XXYLT1: variants seen among roughly 807,000 people sequenced by gnomAD.
The protein encoded by XXYLT1 is UDP-xylose:alpha-xyloside alpha-1,3-xylosyltransferase.
In XXYLT1, 20 loss-of-function variants were observed where a neutral mutation model predicts 28.9. The ratio of observed to expected loss-of-function variants is 0.69; its 90% CI spans 0.49 to 1.00. The LOEUF (loss-of-function observed/expected upper bound fraction) is 1.00, where lower values mean the gene tolerates loss of function less well. Ranked by LOEUF, XXYLT1 falls within the 50% of genes least tolerant of loss-of-function variation. The pLI is 0.00. For synonymous variants in XXYLT1, 257 were observed against 253.8 expected, an observed-to-expected ratio of 1.01 and a Z score of -0.12; for missense variants, 542 against 560.1, an observed-to-expected ratio of 0.97 and a Z score of 0.33.
In XXYLT1 at chr3:195,153,081, C is replaced by T. The variant is rs1178025141; in HGVS notation, c.785+3368G>A. ...CAATGGCCAAGCCCAAGGGCCGAGACCGCCTGCTCAAGAGAAAGGCGGGCT... is the reference window on the plus strand; with the variant it reads ...CAATGGCCAAGCCCAAGGGCCGAGATCGCCTGCTCAAGAGAAAGGCGGGCT... On this transcript the variant is annotated intron_variant, in intron 3 of 3. Transcript: ENST00000310380. 7.9e-5 allele frequency among the ~76,000 whole-genome samples: 12 copies of T among 152,196 alleles called. 1 individual carries two copies. Among genetic ancestry groups the T allele is most frequent in the Admixed American group, 6.5e-4 (10 of 15,280 alleles).
chr3:195,141,993 A>G (rs1278399853), intron 3 of XXYLT1, among the ~76,000 whole-genome samples: 2 of 152,256 alleles, frequency 1.3e-5, no homozygotes, highest in Non-Finnish European at 2.9e-5. Flanking sequence ...CACGTGATTC[A>G]TGTAATCACA....
At chr3:195,097,135 C>G (rs62290285) in intron 3 of XXYLT1, among the ~76,000 whole-genome samples, 14,280 of 152,196 alleles carry the variant, frequency 0.094, 960 homozygotes, top group East Asian at 0.3. Flanking sequence ...CATTTTTAAT[C>G]TGCTGCTGGT....
intron 2 of XXYLT1, among the ~76,000 whole-genome samples, chr3:195,160,104 A>C (rs1447232784): frequency 6.6e-6 from 1 of 152,092 alleles, no homozygotes; most frequent in African/African-American, 2.4e-5. Flanking sequence ...ATCCAGAAGA[A>C]AAAAATAGTG....
intron 3 of XXYLT1, among the ~76,000 whole-genome samples, chr3:195,110,372 T>TGA (rs1253571476): frequency 5.0e-5 from 2 of 40,186 alleles, no homozygotes; most frequent in Non-Finnish European, 1.1e-4. Flanking sequence ...CGTGCGTGTG[T>TGA]GCTGTATAAG....
At chr3:195,182,420 G>A (rs1721996818) in intron 2 of XXYLT1, among the ~76,000 whole-genome samples, 1 of 152,154 alleles carries the variant, frequency 6.6e-6, no homozygotes, top group Non-Finnish European at 1.5e-5. Flanking sequence ...ACAAGAGACT[G>A]GAAGGTAACA....
chr3:195,156,605 T>C (rs779061234), intron 2 of XXYLT1, 24 bp from the exon 3 acceptor site: 7 of 1,612,984 alleles, frequency 4.3e-6, no homozygotes, highest in South Asian at 1.1e-5. Context: ...AAAAGGACAA[T>C]GAGACACAGG....
In XXYLT1 at chr3:195,121,127, C is replaced by A. The variant is rs1015912777; in HGVS notation, c.785+35322G>T. On this transcript the variant is annotated intron_variant, in intron 3 of 3. Transcript: ENST00000310380. ...CGGGAACCACAGCACACCGGCCATG[C>A]CCTTGGAAATGCTGCATCTACCAAA... 7.9e-5 allele frequency among the ~76,000 whole-genome samples: 12 copies of A among 152,222 alleles called. No individual in the cohort carries two copies. The South Asian group carries it at 1.9e-3, about 24-fold the overall frequency.
chr3:195,247,469 G>A (rs1015027330), intron 1 of XXYLT1, among the ~76,000 whole-genome samples: 5 of 152,344 alleles, frequency 3.3e-5, no homozygotes, highest in East Asian at 3.9e-4. Context: ...GGCCTGGGCC[G>A]GGAGGCTCGT....
intron 3 of XXYLT1, among the ~76,000 whole-genome samples, chr3:195,075,027 G>A (rs770578961): frequency 4.6e-5 from 7 of 152,290 alleles, no homozygotes; most frequent in Non-Finnish European, 8.8e-5. Flanking sequence ...CGAGGTGGGC[G>A]GATCACCTGA....
At chr3:195,216,081 A>G (rs1309660266) in intron 2 of XXYLT1, among the ~76,000 whole-genome samples, 2 of 152,054 alleles carry the variant, frequency 1.3e-5, no homozygotes, top group Non-Finnish European at 2.9e-5. Flanking sequence ...TACTGGGTAC[A>G]TAACGAAATG....
At chr3:195,235,761 C>T (rs1724508438) in intron 1 of XXYLT1, among the ~76,000 whole-genome samples, 2 of 152,132 alleles carry the variant, frequency 1.3e-5, no homozygotes, top group South Asian at 2.1e-4. Flanking sequence ...CCCAGCAATG[C>T]CGTGGTTCTT....
chr3:195,195,825 A>G lies in XXYLT1; in HGVS notation c.652+30884T>C, dbSNP rs1336681780. 3.3e-5 allele frequency among the ~76,000 whole-genome samples: 5 copies of G among 152,138 alleles called. No individual in the cohort carries two copies. The highest frequency in any genetic ancestry group is 1.2e-4 in the African/African-American group (5 of 41,432). On this transcript the variant is annotated intron_variant, in intron 2 of 3. Transcript: ENST00000310380. This position sits in a 1 kb window ranked among gnomAD's most constrained non-coding sequence, Gnocchi z 4.4. The stretch of plus-strand genomic sequence containing the variant: ...TTCAGCACCGCCAGCCACACCTGCC[A>G]TGGTCTAGACACAGTCCTGTTGCAT...
chr3:195,160,922 C>T (rs1286530723), intron 2 of XXYLT1, among the ~76,000 whole-genome samples: 3 of 152,222 alleles, frequency 2.0e-5, no homozygotes, highest in Non-Finnish European at 4.4e-5. Context: ...TCTGTCAAAG[C>T]GCTCTTCTCC....
chr3:195,156,965 C>A (rs373898923), intron 2 of XXYLT1, among the ~76,000 whole-genome samples: 9 of 152,238 alleles, frequency 5.9e-5, no homozygotes, highest in African/African-American at 2.2e-4. Flanking sequence ...TCAAAGCGGG[C>A]CGGGCACAGT....
At chr3:195,199,564 T>C (rs1722766402) in intron 2 of XXYLT1, among the ~76,000 whole-genome samples, 1 of 151,668 alleles carries the variant, frequency 6.6e-6, no homozygotes, top group African/African-American at 2.4e-5. Flanking sequence ...TGAGCTGAGA[T>C]CACACCACTG....
chr3:195,156,382 G>C (rs1329272045), intron 3 of XXYLT1, 67 bp downstream of exon 3: 1 of 1,579,632 alleles, frequency 6.3e-7, no homozygotes. Flanking sequence ...TGTCACGGCT[G>C]GCAGAAGAGA....
At chr3:195,085,485 A>G (rs914408328) in intron 3 of XXYLT1, among the ~76,000 whole-genome samples, 1 of 152,188 alleles carries the variant, frequency 6.6e-6, no homozygotes, top group Admixed American at 6.5e-5. Context: ...AGCGCATTTC[A>G]CCAGAGACCG....
intron 2 of XXYLT1, among the ~76,000 whole-genome samples, chr3:195,198,116 T>C (rs1263325435): frequency 6.6e-6 from 1 of 152,210 alleles, no homozygotes; most frequent in Non-Finnish European, 1.5e-5. Flanking sequence ...AGAGCATATA[T>C]GAGGTTTACT....
At chr3:195,201,979 C>T (rs1722869283) in intron 2 of XXYLT1, among the ~76,000 whole-genome samples, 1 of 152,138 alleles carries the variant, frequency 6.6e-6, no homozygotes, top group Non-Finnish European at 1.5e-5. Flanking sequence ...AAGTTCAAGA[C>T]CAGCCTGACC....
Sources: allele counts gnomAD v4.1 joint callset (sites outside exome capture counted in the v4.1 genomes callset), GRCh38; gene constraint gnomAD v4.1.1; non-coding constraint Gnocchi (gnomAD v3.1); transcripts MANE v1.5; gene names NCBI Gene and HGNC (gene_info 2026-07-23, HGNC 2026-07-21).